SAP130: variants seen among roughly 807,000 people sequenced by gnomAD.
The protein encoded by SAP130 is histone deacetylase complex subunit SAP130.
Under a neutral mutation model 103.2 loss-of-function variants are expected in SAP130, and 16 were observed. The observed-to-expected ratio is 0.16, with a 90% CI of 0.10 to 0.24. The LOEUF (loss-of-function observed/expected upper bound fraction) is 0.24. SAP130 is among the 10% of genes least tolerant of loss of function. SAP130 has a pLI of 1.00. For missense variants in SAP130, 990 were observed against 1,359.7 expected, an observed-to-expected ratio of 0.73 and a Z score of 4.28; for synonymous variants, 477 against 497.0, an observed-to-expected ratio of 0.96 and a Z score of 0.53.
In SAP130 at chr2:128,000,300, G is replaced by A; in HGVS notation, c.1017+7C>T. Reference sequence around the variant, plus strand: ...GTACACAGGTGGTTCTCCACTTTTGGTTTTACCTGAGCCATTGTATGAAGC... The same window carrying A: ...GTACACAGGTGGTTCTCCACTTTTGATTTTACCTGAGCCATTGTATGAAGC... On this transcript the variant is annotated splice_region_variant and intron_variant, in intron 8 of 20. Transcript: ENST00000643581. 16 of 1,614,142 alleles carry A rather than the reference G, an allele frequency of 9.9e-6. No individual in the cohort carries two copies. The highest frequency in any genetic ancestry group is 1.3e-5 in the Non-Finnish European group (15 of 1,180,004).
intron 2 of SAP130, among the ~76,000 whole-genome samples, chr2:128,025,342 G>A (rs1404076510): frequency 1.3e-5 from 2 of 152,124 alleles, no homozygotes; most frequent in East Asian, 1.9e-4. Context: ...ATATTGCCAA[G>A]TACTCCCCTG....
rs114538410 is a variant in SAP130, at chr2:128,021,668, A to C, written c.113-3753T>G. On this transcript the variant is annotated intron_variant, in intron 2 of 20. Coordinates refer to ENST00000643581, the MANE Select transcript of SAP130 (RefSeq NM_001330301.2). ...TATCCTCAGCAACACCAAGGAGCAG[A>C]ATGGTTGGGTCAAATGGTAAGTATA... 7.1e-3 allele frequency among the ~76,000 whole-genome samples: 1,085 copies of C among 152,324 alleles called. 18 individuals carry two copies. Among genetic ancestry groups the C allele is most frequent in the African/African-American group, 0.025 (1,041 of 41,580 alleles).
At chr2:127,988,877 T>C (rs1047787383) in intron 13 of SAP130, among the ~76,000 whole-genome samples, 3 of 152,082 alleles carry the variant, frequency 2.0e-5, no homozygotes, top group African/African-American at 7.2e-5. Context: ...CAGTGACTTA[T>C]TCCATTTTTC....
Position 128,026,383 on chromosome 2 carries a change from G to A in SAP130, c.-6-85C>T, listed in dbSNP as rs559315859. ...AAATTAAAGCATCTTTAGTACCTAT[G>A]AGATAGTCCCTTGGAAAAGCAAATG... On this transcript the variant is annotated intron_variant, in intron 1 of 20. Coordinates refer to ENST00000643581, the MANE Select transcript of SAP130 (RefSeq NM_001330301.2). The A allele has an allele frequency of 1.2e-3, 1,083 of 901,188 alleles. 2 individuals carry two copies. Among genetic ancestry groups the A allele is most frequent in the Non-Finnish European group, 1.7e-3 (972 of 562,644 alleles). 55.8% of individuals were successfully genotyped at this position (901,188 alleles called of 1,614,324 possible).
intron 2 of SAP130, among the ~76,000 whole-genome samples, chr2:128,021,645 T>C (rs1433788371): frequency 6.6e-6 from 1 of 152,148 alleles, no homozygotes; most frequent in African/African-American, 2.4e-5. Context: ...TTTACAAATA[T>C]CCTCAGCAAC....
chr2:128,026,101 G>A (rs915120681), intron 2 of SAP130, 80 bp downstream of exon 2: 45 of 914,860 alleles, frequency 4.9e-5, no homozygotes, highest in Non-Finnish European at 6.9e-5. Flanking sequence ...AATCCTAGAA[G>A]AATCTGCTAA....
intron 11 of SAP130, among the ~76,000 whole-genome samples, chr2:127,995,609 A>T (rs55720211): frequency 0.084 from 12,741 of 152,310 alleles, 735 homozygotes; most frequent in South Asian, 0.22. Flanking sequence ...CTATTTTGCA[A>T]CTATCATATT....
rs1344473330 is a variant in SAP130 at position 127,996,710 on chromosome 2, A to C, written c.1214-219T>G. Among the ~76,000 whole-genome samples, 1 of 152,214 alleles carries C rather than the reference A, an allele frequency of 6.6e-6. No homozygotes were observed. Among genetic ancestry groups the C allele is most frequent in the Non-Finnish European group, 1.5e-5 (1 of 68,036 alleles). ...TACTGTTATTAAAGCAGGGTTCAAC[A>C]TTAATACTGAAACAAAGATAGAAGT... On this transcript the variant is annotated intron_variant, in intron 10 of 20. Coordinates refer to ENST00000643581, the MANE Select transcript of SAP130 (RefSeq NM_001330301.2). This position sits in a 1 kb window ranked among gnomAD's most constrained non-coding sequence, Gnocchi z 4.3.
chr2:127,961,838 T>C (rs1228101469), intron 15 of SAP130, among the ~76,000 whole-genome samples: 1 of 151,950 alleles, frequency 6.6e-6, no homozygotes, highest in African/African-American at 2.4e-5. Flanking sequence ...AACGTGAGGG[T>C]GGCATGAAAA....
chr2:128,015,936 G>C (rs1482348829), intron 4 of SAP130, among the ~76,000 whole-genome samples: 1 of 124,400 alleles, frequency 8.0e-6, no homozygotes, highest in Non-Finnish European at 1.6e-5. Flanking sequence ...GTGAGATTCT[G>C]TCTCAAAAAA....
chr2:127,973,237 T>G (rs2104888964), intron 15 of SAP130, among the ~76,000 whole-genome samples: 1 of 152,288 alleles, frequency 6.6e-6, no homozygotes, highest in South Asian at 2.1e-4. Flanking sequence ...CTTCAGAATT[T>G]TTTTGTTGTT....
rs1678727691 is a variant in SAP130, at chr2:127,941,763, G to A, written c.*243C>T. The A allele has an allele frequency of 2.0e-6, 1 of 493,870 alleles. No individual in the cohort carries two copies. 30.6% of individuals were successfully genotyped at this position (493,870 alleles called of 1,614,324 possible). ...ACTGGTGGACACTGATGCATCCGGA[G>A]TCACTTATGACACAGATCAGGTTTA... is the stretch of plus-strand genomic sequence containing the variant. On this transcript the variant is annotated 3_prime_UTR_variant, in exon 21 of 21. Transcript: ENST00000643581.
intron 18 of SAP130, 25 bp from the exon 19 acceptor site, chr2:127,945,584 C>T (rs770770718): frequency 1.5e-6 from 2 of 1,342,890 alleles, no homozygotes; most frequent in Non-Finnish European, 2.1e-6. Context: ...AATAAAAATA[C>T]ATGTATTTCA....
At chr2:127,998,057 GAGAGC>G (rs1683292390) in intron 10 of SAP130, among the ~76,000 whole-genome samples, 1 of 150,704 alleles carries the variant, frequency 6.6e-6, no homozygotes, top group African/African-American at 2.4e-5. Context: ...GCAGTGAGCT[GAGAGC>G]ATGCCACTGC....
intron 3 of SAP130, 115 bp downstream of exon 3, chr2:128,017,565 A>G (rs935630148): frequency 1.9e-5 from 17 of 917,816 alleles, no homozygotes; most frequent in Non-Finnish European, 2.5e-5. Flanking sequence ...CATATGTCAT[A>G]AAGAAAAAAT....
chr2:127,964,435 A>G (rs1680485893), intron 15 of SAP130, among the ~76,000 whole-genome samples: 1 of 140,292 alleles, frequency 7.1e-6, no homozygotes, highest in Admixed American at 7.8e-5. Context: ...TGGAGTTTGC[A>G]GTAAGCTGAG....
intron 16 of SAP130, among the ~76,000 whole-genome samples, chr2:127,951,749 C>T (rs1242829019): frequency 1.3e-5 from 2 of 152,210 alleles, no homozygotes; most frequent in African/African-American, 4.8e-5. Context: ...GGGAGACACA[C>T]TACCATGCTG....
At chr2:127,946,147 G>A (rs963427742) in intron 18 of SAP130, among the ~76,000 whole-genome samples, 3 of 152,086 alleles carry the variant, frequency 2.0e-5, no homozygotes, top group East Asian at 1.9e-4. Context: ...ACATTTTGCC[G>A]GAAGAAGTGG....
rs1437250838 is a variant in SAP130 at position 128,003,312 on chromosome 2, GC to G, written c.870-2859del. Among the ~76,000 whole-genome samples, 3 of 151,796 alleles carry G rather than the reference GC, an allele frequency of 2.0e-5. No homozygotes were observed. The East Asian group carries it at 5.9e-4, about 30-fold the overall frequency. ...GCTTGAGCCCAGGAATTTGAGACCA[GC>G]CTGAGCAACATGGCAAGGCCCAGTC... On this transcript the variant is annotated intron_variant, in intron 7 of 20. Coordinates refer to ENST00000643581, the MANE Select transcript of SAP130 (RefSeq NM_001330301.2).
Sources: allele counts gnomAD v4.1 joint callset (sites outside exome capture counted in the v4.1 genomes callset), GRCh38; gene constraint gnomAD v4.1.1; non-coding constraint Gnocchi (gnomAD v3.1); transcripts MANE v1.5; gene names NCBI Gene and HGNC (gene_info 2026-07-23, HGNC 2026-07-21).